HSD17B12: variants seen among roughly 807,000 people sequenced by gnomAD.
HSD17B12 encodes hydroxysteroid 17-beta dehydrogenase 12, also known as very-long-chain 3-oxoacyl-CoA reductase.
A neutral mutation model predicts 39.3 loss-of-function variants in HSD17B12; 32 were observed. The observed-to-expected ratio is 0.81, with a 90% CI of 0.61 to 1.09. The LOEUF (loss-of-function observed/expected upper bound fraction) is 1.09, where lower values mean the gene tolerates loss of function less well. HSD17B12 is among the 50% of genes least tolerant of loss of function. The pLI is 0.00. For synonymous variants in HSD17B12, 150 were observed against 146.7 expected (o/e 1.02, Z -0.16); for missense variants, 342 against 382.9 (o/e 0.89, Z 0.89).
At chr11:43,669,409 G>C in the HSD17B12 span, among the ~76,000 whole-genome samples, 2 of 151,962 alleles carry the variant, frequency 1.3e-5, no homozygotes, top group African/African-American at 4.8e-5. Flanking sequence ...GTTGAGGCAG[G>C]AGAATCACTT....
chr11:43,585,994 C>T, the HSD17B12 span, among the ~76,000 whole-genome samples: 1 of 152,128 alleles, frequency 6.6e-6, no homozygotes, highest in African/African-American at 2.4e-5. Flanking sequence ...AGAGAGAGAC[C>T]AATCTCTTCA....
intron 1 of HSD17B12, among the ~76,000 whole-genome samples, chr11:43,711,869 G>A (rs1476218286): frequency 6.6e-6 from 1 of 152,096 alleles, no homozygotes. Flanking sequence ...TTCAAAGATG[G>A]TGATGATAAA....
chr11:43,771,007 A>G (rs1048163810), intron 3 of HSD17B12, among the ~76,000 whole-genome samples: 3 of 152,252 alleles, frequency 2.0e-5, no homozygotes, highest in African/African-American at 4.8e-5. Flanking sequence ...AACTTCGGAC[A>G]TAGGAAAATC....
At chr11:43,615,084 T>C in the HSD17B12 span, among the ~76,000 whole-genome samples, 9 of 152,324 alleles carry the variant, frequency 5.9e-5, no homozygotes, top group South Asian at 4.1e-4. Context: ...TTGTCTTCCT[T>C]TGAAGAGCGT....
At chr11:43,637,709 G>A in the HSD17B12 span, among the ~76,000 whole-genome samples, 14 of 152,208 alleles carry the variant, frequency 9.2e-5, no homozygotes, top group East Asian at 5.8e-4. Flanking sequence ...GAGACTGTTC[G>A]TTCAGAAAAA....
rs11338478 is a variant in HSD17B12 at position 43,834,368 on chromosome 11, ATT to A, written c.536+3370_536+3371del. Among the ~76,000 whole-genome samples, 150 of 146,950 alleles carry A rather than the reference ATT, an allele frequency of 1.0e-3. 1 individual carries two copies. The South Asian group carries it at 0.011, about 11-fold the overall frequency. Reference sequence around the variant, plus strand: ...TGGAAATGTGAAGAATTGGGATGGAATTTTTTTTTTTTTGTACATTCTTCCTT... The same window carrying A: ...TGGAAATGTGAAGAATTGGGATGGAATTTTTTTTTTTGTACATTCTTCCTT... On this transcript the variant is annotated intron_variant, in intron 7 of 10. Coordinates refer to ENST00000278353, the MANE Select transcript of HSD17B12 (RefSeq NM_016142.3).
chr11:43,638,803 G>A, the HSD17B12 span, among the ~76,000 whole-genome samples: 1 of 152,034 alleles, frequency 6.6e-6, no homozygotes, highest in Non-Finnish European at 1.5e-5. Flanking sequence ...GATTAATTTG[G>A]CATGGAGTTC....
chr11:43,854,921 A>T, intron 10 of HSD17B12, 57 bp downstream of exon 10: 1 of 1,559,390 alleles, frequency 6.4e-7, no homozygotes, highest in Non-Finnish European at 8.8e-7. Flanking sequence ...TTTCTTTCCC[A>T]TTGAGTTACA....
intron 1 of HSD17B12, among the ~76,000 whole-genome samples, chr11:43,739,863 A>G (rs1231623274): frequency 6.6e-6 from 1 of 152,174 alleles, no homozygotes; most frequent in Non-Finnish European, 1.5e-5. Context: ...GGTAGGAGTA[A>G]GGTCAGCTCA....
the HSD17B12 span, among the ~76,000 whole-genome samples, chr11:43,635,518 T>G: frequency 1.3e-5 from 2 of 152,220 alleles, no homozygotes; most frequent in Admixed American, 1.3e-4. Context: ...ATATTACATC[T>G]TATTATCAGT....
chr11:43,622,974 A>G, the HSD17B12 span, among the ~76,000 whole-genome samples: 1 of 152,172 alleles, frequency 6.6e-6, no homozygotes, highest in Non-Finnish European at 1.5e-5. Context: ...TTTTAATCTC[A>G]ACTTGATTAA....
chr11:43,601,989 C>A, the HSD17B12 span, among the ~76,000 whole-genome samples: 1 of 152,164 alleles, frequency 6.6e-6, no homozygotes, highest in Non-Finnish European at 1.5e-5. Context: ...CCTTTTTGAG[C>A]TTACAGCTTT....
chr11:43,613,583 A>T, the HSD17B12 span, among the ~76,000 whole-genome samples: 1 of 151,740 alleles, frequency 6.6e-6, no homozygotes, highest in Non-Finnish European at 1.5e-5. Flanking sequence ...TTTTATTCTT[A>T]TTTTTATTAT....
At chr11:43,835,494 G>A (rs1007137049) in intron 7 of HSD17B12, among the ~76,000 whole-genome samples, 3 of 152,160 alleles carry the variant, frequency 2.0e-5, no homozygotes, top group African/African-American at 7.2e-5. Flanking sequence ...GAAAGAAAGA[G>A]CGAGAGAGTT....
intron 1 of HSD17B12, among the ~76,000 whole-genome samples, chr11:43,694,367 A>T (rs1171097262): frequency 6.6e-6 from 1 of 152,192 alleles, no homozygotes; most frequent in Non-Finnish European, 1.5e-5. Flanking sequence ...ATACTTGCAC[A>T]TGAGCTTACA....
chr11:43,589,911 T>C, the HSD17B12 span, among the ~76,000 whole-genome samples: 1 of 152,144 alleles, frequency 6.6e-6, no homozygotes, highest in Admixed American at 6.5e-5. Context: ...ATCTGTAAAG[T>C]GGGGATATTA....
chr11:43,659,545 T>C, the HSD17B12 span, among the ~76,000 whole-genome samples: 1 of 152,150 alleles, frequency 6.6e-6, no homozygotes, highest in Non-Finnish European at 1.5e-5. Context: ...CACCCCCCAG[T>C]TGATGCAAAA....
At chr11:43,849,664 A>G (rs1951513112) in intron 9 of HSD17B12, among the ~76,000 whole-genome samples, 1 of 152,194 alleles carries the variant, frequency 6.6e-6, no homozygotes, top group Non-Finnish European at 1.5e-5. Context: ...CTCAGCCTCT[A>G]TCAGCTCTTT....
chr11:43,648,912 A>G, the HSD17B12 span, among the ~76,000 whole-genome samples: 178 of 152,232 alleles, frequency 1.2e-3, no homozygotes, highest in Non-Finnish European at 2.3e-3. Context: ...TTGTATTTTT[A>G]GTAGATACGG....
Sources: allele counts gnomAD v4.1 joint callset (sites outside exome capture counted in the v4.1 genomes callset), GRCh38; gene constraint gnomAD v4.1.1; transcripts MANE v1.5; gene names NCBI Gene and HGNC (gene_info 2026-07-23, HGNC 2026-07-21).